Variants in OTOGL observed in about 807,000 individuals in gnomAD.
OTOGL encodes the protein otogelin like.
OTOGL carries 285 observed loss-of-function variants against 318.5 expected under a neutral mutation model. The observed-to-expected ratio is 0.89, with a 90% CI of 0.81 to 0.99. OTOGL has a LOEUF of 0.99. Among genes scored for constraint, OTOGL ranks in the 50% least tolerant of loss-of-function variants. The pLI is 0.00. For missense variants in OTOGL, 2,899 were observed against 2,845.6 expected, an observed-to-expected ratio of 1.02 and a Z score of -0.43; for synonymous variants, 987 against 936.5, an observed-to-expected ratio of 1.05 and a Z score of -0.99.
intron 44 of OTOGL, among the ~76,000 whole-genome samples, chr12:80,351,478 G>A (rs753201257): frequency 1.7e-4 from 26 of 152,102 alleles, no homozygotes; most frequent in Non-Finnish European, 2.6e-4. Context: ...ACCACACCTG[G>A]CTAATTTTTG....
At chr12:80,351,290 G>A (rs1190250896) in intron 44 of OTOGL, among the ~76,000 whole-genome samples, 1 of 149,096 alleles carries the variant, frequency 6.7e-6, no homozygotes, top group African/African-American at 2.5e-5. Context: ...TTGCCATTGT[G>A]TTTTTTTTTT....
At chr12:80,313,683 C>T (rs1001681900) in intron 31 of OTOGL, 51 bp downstream of exon 31, 1 of 1,421,032 alleles carries the variant, frequency 7.0e-7, no homozygotes, top group African/African-American at 1.5e-5. Context: ...TAAAGAGATA[C>T]ATATTAATTG....
rs1398515998 is a variant in OTOGL, at chr12:80,336,022, GCA to G, written c.4483_4484del (p.Gln1495ValfsTer7). The G allele has an allele frequency of 1.3e-6, 2 of 1,598,404 alleles. No individual in the cohort carries two copies. Among genetic ancestry groups the G allele is most frequent in the African/African-American group, 2.7e-5 (2 of 74,840 alleles). ...AATACATATGCCTTAATATGGAATG[GCA>G]GTTATACAACTGGTCCCTTAATTGC... is the stretch of plus-strand genomic sequence containing the variant. ...SQYICLNMEWQLYNWSLNCPK... is the reference protein window; with the variant it reads ...SQYICLNMEWXLYNWSLNCPK... On this transcript the variant is annotated frameshift_variant, in exon 39 of 59. Coordinates refer to ENST00000547103, the MANE Select transcript of OTOGL (RefSeq NM_001378609.3). LOFTEE classifies it high-confidence loss of function.
chr12:80,328,944 CT>C, intron 36 of OTOGL, 106 bp from the exon 37 acceptor site: 3 of 1,172,568 alleles, frequency 2.6e-6, no homozygotes, highest in Non-Finnish European at 3.6e-6. Flanking sequence ...CTCCTGCATT[CT>C]TTTTCCCAAA....
intron 56 of OTOGL, among the ~76,000 whole-genome samples, chr12:80,371,314 A>G (rs1890862512): frequency 6.6e-6 from 1 of 152,124 alleles, no homozygotes; most frequent in South Asian, 2.1e-4. Flanking sequence ...TCCGTTGTAT[A>G]GAGAAATAGT....
At chr12:80,252,424 G>A (rs769825741) in intron 13 of OTOGL, among the ~76,000 whole-genome samples, 15 of 152,246 alleles carry the variant, frequency 9.9e-5, no homozygotes, top group Middle Eastern at 3.4e-3. Context: ...GGAATCTATA[G>A]TCCTGAAGTT....
At position 80,380,060 on chromosome 12, in the gene OTOGL, T is replaced by C. The variant is rs971321888; in HGVS notation, c.*2012T>C. 1.3e-5 allele frequency: 2 copies of C among 152,078 alleles called. No individual in the cohort carries two copies. The highest frequency in any genetic ancestry group is 4.8e-5 in the African/African-American group (2 of 41,448). The allele number at this position is 152,078 out of a possible 1,614,324, so 9.4% of individuals were successfully genotyped here. On this transcript the variant is annotated 3_prime_UTR_variant, in exon 59 of 59. Coordinates refer to ENST00000547103, the MANE Select transcript of OTOGL (RefSeq NM_001378609.3). ...CAAATTAGCTCTTAATAAATGGTGT[T>C]GGGACAACTGAATGGTTACGTAGAT...
At chr12:80,130,699 G>A (rs1174245664) in intron 1 of OTOGL, among the ~76,000 whole-genome samples, 1 of 152,204 alleles carries the variant, frequency 6.6e-6, no homozygotes, top group African/African-American at 2.4e-5. Context: ...GAACACCAAA[G>A]AGGGGGGCAA....
chr12:80,102,893 A>G lies in OTOGL; in HGVS notation c.-20+3288A>G, dbSNP rs540976898. 6.0e-5 allele frequency: 48 copies of G among 803,056 alleles called. No homozygotes were observed. In the African/African-American group the frequency reaches 6.5e-4, roughly 11 times the overall value. 49.7% of individuals were successfully genotyped at this position (803,056 alleles called of 1,614,324 possible). A position where few individuals can be genotyped will look rare whatever the true frequency, so the allele number is the denominator to read the frequency against. On this transcript the variant is annotated intron_variant, in intron 1 of 58. Transcript: ENST00000547103. ...AAGTTTTAATCAAAGCTTGTATATA[A>G]GATTATTCCTCCATCTTCTCAATTG...
chr12:80,284,278 T>C (rs1230262436), intron 26 of OTOGL, among the ~76,000 whole-genome samples: 3 of 152,188 alleles, frequency 2.0e-5, no homozygotes, highest in Admixed American at 2.0e-4. Context: ...CAGTCTGTCA[T>C]TGATGGGCAT....
intron 1 of OTOGL, 80 bp from the exon 2 acceptor site, chr12:80,209,333 T>C (rs1877058918): frequency 2.9e-6 from 2 of 693,832 alleles, no homozygotes; most frequent in Admixed American, 7.1e-5. Flanking sequence ...GCTATATTTA[T>C]TAGAATTTGA....
chr12:80,367,514 A>C, intron 53 of OTOGL, 47 bp from the exon 54 acceptor site: 1 of 1,373,960 alleles, frequency 7.3e-7, no homozygotes, highest in African/African-American at 1.5e-5. Flanking sequence ...GGATTAGTAC[A>C]AAACTCAACA....
chr12:80,202,440 T>TTTTTGTA (rs1343554095), intron 1 of OTOGL, among the ~76,000 whole-genome samples: 1 of 151,878 alleles, frequency 6.6e-6, no homozygotes, highest in Non-Finnish European at 1.5e-5. Flanking sequence ...CTGGCTAATT[T>TTTTTGTA]TTTTGTATTT....
At chr12:80,139,116 T>C (rs1167506323) in intron 1 of OTOGL, among the ~76,000 whole-genome samples, 1 of 152,094 alleles carries the variant, frequency 6.6e-6, no homozygotes, top group South Asian at 2.1e-4. Context: ...ATAAGAAATA[T>C]CCGTTTTGGT....
At chr12:80,116,327 C>T (rs1370833311) in intron 1 of OTOGL, among the ~76,000 whole-genome samples, 1 of 151,942 alleles carries the variant, frequency 6.6e-6, no homozygotes, top group Non-Finnish European at 1.5e-5. Context: ...CCTTGTACTT[C>T]CCAGGTGAGG....
rs183611089 is a variant in OTOGL at position 80,287,317 on chromosome 12, T to C, written c.2928+8151T>C. Among the ~76,000 whole-genome samples, 338 of 151,790 alleles carry C rather than the reference T, an allele frequency of 2.2e-3. 16 individuals carry two copies. The highest frequency in any genetic ancestry group is 7.7e-3 in the African/African-American group (315 of 41,118). ...TTGCTGAGGAGTGTTTTACTTCCAA[T>C]TACGTGGTCAATTTTAGAATAAGTG... On this transcript the variant is annotated intron_variant, in intron 26 of 58. Transcript: ENST00000547103.
chr12:80,125,380 G>A (rs956284304), intron 1 of OTOGL, among the ~76,000 whole-genome samples: 10 of 152,220 alleles, frequency 6.6e-5, no homozygotes, highest in African/African-American at 2.2e-4. Context: ...GCATCCCAGG[G>A]ATGAAGCCCA....
chr12:80,122,095 CA>C (rs1870522357), intron 1 of OTOGL, among the ~76,000 whole-genome samples: 1 of 151,946 alleles, frequency 6.6e-6, no homozygotes, highest in Non-Finnish European at 1.5e-5. Context: ...AAAAATACCA[CA>C]AAAAATGAAC....
chr12:80,259,888 C>T (rs1162689327), intron 18 of OTOGL, among the ~76,000 whole-genome samples: 2 of 152,182 alleles, frequency 1.3e-5, no homozygotes, highest in African/African-American at 4.8e-5. Flanking sequence ...TCTCCTGCTC[C>T]TCATCTTTCT....
Sources: allele counts gnomAD v4.1 joint callset (sites outside exome capture counted in the v4.1 genomes callset), GRCh38; gene constraint gnomAD v4.1.1; transcripts MANE v1.5; gene names NCBI Gene and HGNC (gene_info 2026-07-23, HGNC 2026-07-21).